The following SMCO4 variants were observed in gnomAD, a reference collection of about 807,000 sequenced individuals.
The protein encoded by SMCO4 is single-pass membrane and coiled-coil domain-containing protein 4.
In SMCO4, 4 loss-of-function variants were observed where a neutral mutation model predicts 3.6. The observed-to-expected ratio is 1.11, with a 90% CI of 0.54 to 2.53. The LOEUF is 2.53. Among genes scored for constraint, SMCO4 ranks in the 30% most tolerant of loss-of-function variants. SMCO4 has a pLI of 0.02. For missense variants in SMCO4, 70 were observed against 80.8 expected (o/e 0.87, Z 0.51); for synonymous variants, 36 against 35.3 (o/e 1.02, Z -0.07).
At chr11:93,484,807 C>T (rs552202963) in intron 2 of SMCO4, among the ~76,000 whole-genome samples, 30 of 151,932 alleles carry the variant, frequency 2.0e-4, no homozygotes, top group Admixed American at 7.2e-4. Flanking sequence ...ATGCGAGAAG[C>T]CTGGTTCAGG....
intron 1 of SMCO4, among the ~76,000 whole-genome samples, chr11:93,541,685 T>G (rs1247950748): frequency 6.6e-6 from 1 of 152,242 alleles, no homozygotes; most frequent in African/African-American, 2.4e-5. Flanking sequence ...GTACACTAAC[T>G]GCAAGCATAA....
At chr11:93,552,847 G>A in the SMCO4 span, among the ~76,000 whole-genome samples, 5 of 149,988 alleles carry the variant, frequency 3.3e-5, no homozygotes, top group Non-Finnish European at 5.9e-5. Context: ...TTTTTTTTTT[G>A]TAATAGTGCC....
chr11:93,533,566 C>T (rs147708629), intron 1 of SMCO4, among the ~76,000 whole-genome samples: 41 of 152,202 alleles, frequency 2.7e-4, no homozygotes, highest in East Asian at 1.9e-3. Context: ...TCAGCCACCT[C>T]GAAATAAAGG....
intron 2 of SMCO4, 53 bp downstream of exon 2, chr11:93,499,223 G>A (rs1483522221): frequency 6.6e-6 from 1 of 152,180 alleles, no homozygotes; most frequent in African/African-American, 2.4e-5. Flanking sequence ...AGAAATGACT[G>A]GGACAGTAAC....
In SMCO4 at chr11:93,520,813, CTT is replaced by C. The variant is rs1949050449; in HGVS notation, c.-153-21467_-153-21466del. Among the ~76,000 whole-genome samples, 4 of 152,318 alleles carry C rather than the reference CTT, an allele frequency of 2.6e-5. No individual in the cohort carries two copies. In the South Asian group the frequency reaches 8.3e-4, roughly 32 times the overall value. Reference sequence around the variant, plus strand: ...AGGGGCTAAAGCCAAAACCAAGTCTCTTTGGGATTTCTGTCCAGTGCCTTTCA... The same window carrying C: ...AGGGGCTAAAGCCAAAACCAAGTCTCTGGGATTTCTGTCCAGTGCCTTTCA... On this transcript the variant is annotated intron_variant, in intron 1 of 2. Coordinates refer to ENST00000298966, the MANE Select transcript of SMCO4 (RefSeq NM_020179.3).
Position 93,479,138 on chromosome 11 carries a change from C to G in SMCO4, c.52G>C (p.Glu18Gln), listed in dbSNP as rs1318578949. 6.2e-7 allele frequency: 1 copy of G among 1,614,096 alleles called. No individual in the cohort carries two copies. Among genetic ancestry groups the G allele is most frequent in the Non-Finnish European group, 8.5e-7 (1 of 1,180,038 alleles). Residue 18 changes from glutamate (E) to glutamine (Q), a missense_variant, in exon 3 of 3, where the codon GAG becomes CAG. Physicochemically the swap from Glu to Gln is conservative, Grantham distance 29. Transcript: ENST00000298966. ...GCCTCCTGCATGGCTTGCTTCCGCTCCTTCTTGTCCTTGGAGGTCTCCTTC... is the reference window on the plus strand; with the variant it reads ...GCCTCCTGCATGGCTTGCTTCCGCTGCTTCTTGTCCTTGGAGGTCTCCTTC... ...PKKETSKDKK[E>Q]RKQAMQEARQ...
At chr11:93,515,381 A>G (rs1056979421) in intron 1 of SMCO4, among the ~76,000 whole-genome samples, 4 of 152,152 alleles carry the variant, frequency 2.6e-5, no homozygotes, top group Non-Finnish European at 5.9e-5. Flanking sequence ...CCAAGCTTCC[A>G]TGTTCATTAT....
At chr11:93,498,970 T>G (rs1389305703) in intron 2 of SMCO4, among the ~76,000 whole-genome samples, 1 of 152,058 alleles carries the variant, frequency 6.6e-6, no homozygotes, top group Non-Finnish European at 1.5e-5. Context: ...GTCACAGACC[T>G]CTACCCGACT....
chr11:93,548,496 GC>G, the SMCO4 span, among the ~76,000 whole-genome samples: 3 of 152,156 alleles, frequency 2.0e-5, no homozygotes, highest in East Asian at 3.9e-4. Flanking sequence ...TAATCATGTA[GC>G]CTGTTTCCTT....
At chr11:93,549,594 A>G in the SMCO4 span, among the ~76,000 whole-genome samples, 1 of 149,780 alleles carries the variant, frequency 6.7e-6, no homozygotes, top group Non-Finnish European at 1.5e-5. Context: ...GACCACAGGC[A>G]TGCACCACCA....
intron 1 of SMCO4, chr11:93,523,215 T>C (rs945887670): frequency 2.6e-5 from 4 of 152,264 alleles, no homozygotes; most frequent in Admixed American, 2.0e-4. Flanking sequence ...GGTAGGAGGA[T>C]TGCCTGTCCC....
the SMCO4 span, among the ~76,000 whole-genome samples, chr11:93,549,879 GTCTTTTTCTCACTGGTAGTAAT>G: frequency 3.9e-5 from 6 of 152,172 alleles, no homozygotes; most frequent in African/African-American, 1.4e-4. Context: ...TAATAAAAAT[GTCTTTTTCTCACTGGTAGTAAT>G]TCTTTTAAAG....
At chr11:93,505,118 C>A (rs2134602962) in intron 1 of SMCO4, among the ~76,000 whole-genome samples, 1 of 152,332 alleles carries the variant, frequency 6.6e-6, no homozygotes, top group Non-Finnish European at 1.5e-5. Context: ...TGCAGCTGGG[C>A]AAATGGACAT....
chr11:93,478,749 A>T lies in SMCO4; in HGVS notation c.*261T>A. 1 of 633,082 alleles carries T rather than the reference A, an allele frequency of 1.6e-6. No individual in the cohort carries two copies. The highest frequency in any genetic ancestry group is 2.2e-6 in the Non-Finnish European group (1 of 464,896). The allele number at this position is 633,082 out of a possible 1,614,324, so 39.2% of individuals were successfully genotyped here. The stretch of plus-strand genomic sequence containing the variant: ...CACACACACACACACACACACACAC[A>T]CACATGCGCGCGCGCTTTGAAGTCT... On this transcript the variant is annotated 3_prime_UTR_variant, in exon 3 of 3. Transcript: ENST00000298966.
At chr11:93,493,014 T>A (rs921295656) in intron 2 of SMCO4, among the ~76,000 whole-genome samples, 3 of 152,202 alleles carry the variant, frequency 2.0e-5, no homozygotes, top group Non-Finnish European at 4.4e-5. Context: ...AATGACCCCA[T>A]CAGAAAATGA....
chr11:93,533,090 G>A (rs71480685), intron 1 of SMCO4, among the ~76,000 whole-genome samples: 19,290 of 152,216 alleles, frequency 0.13, 1,539 homozygotes, highest in South Asian at 0.18. Context: ...TCAGAGACAC[G>A]AGAGCCAGGG....
the SMCO4 span, among the ~76,000 whole-genome samples, chr11:93,550,661 A>T: frequency 6.6e-6 from 1 of 152,094 alleles, no homozygotes; most frequent in Admixed American, 6.6e-5. Context: ...GGTGACAGTG[A>T]GACCCTGAAT....
intron 1 of SMCO4, among the ~76,000 whole-genome samples, chr11:93,503,516 G>C (rs6483248): frequency 0.12 from 18,199 of 152,176 alleles, 1,327 homozygotes; most frequent in Non-Finnish European, 0.17. Flanking sequence ...TGTTATCTTA[G>C]GTGGAAAATG....
intron 2 of SMCO4, among the ~76,000 whole-genome samples, chr11:93,479,478 C>T (rs962899968): frequency 3.3e-5 from 5 of 152,154 alleles, no homozygotes; most frequent in African/African-American, 1.2e-4. Context: ...GAGGGGCCTC[C>T]GCTCCAGCGC....
Sources: gnomAD v4.1 joint callset for allele counts (sites outside exome capture counted in the v4.1 genomes callset) on GRCh38, gnomAD v4.1.1 for gene constraint, MANE v1.5 for transcripts, NCBI Gene and HGNC (gene_info 2026-07-23, HGNC 2026-07-21) for gene names.